The following DCHS2 variants were observed in gnomAD, a reference collection of about 807,000 sequenced individuals.
The protein encoded by DCHS2 is protocadherin-23.
Under a neutral mutation model 182.4 loss-of-function variants are expected in DCHS2, and 142 were observed. The observed-to-expected ratio is 0.78, with a 90% confidence interval of 0.68 to 0.89. The LOEUF (loss-of-function observed/expected upper bound fraction) is 0.89. Ranked by LOEUF, DCHS2 falls within the 40% of genes least tolerant of loss-of-function variation. The pLI is 0.00. For missense variants in DCHS2, 4,319 were observed against 4,198.6 expected (o/e 1.03, Z -0.79); for synonymous variants, 1,740 against 1,663.3 (o/e 1.05, Z -1.12).
chr4:154,474,622 G>A (rs918880958), intron 1 of DCHS2, among the ~76,000 whole-genome samples: 14 of 152,232 alleles, frequency 9.2e-5, no homozygotes, highest in African/African-American at 3.1e-4. Context: ...AATAAACTAC[G>A]TCTGTCTTCA....
At chr4:154,345,031 C>T (rs746406359) in intron 3 of DCHS2, among the ~76,000 whole-genome samples, 10 of 152,154 alleles carry the variant, frequency 6.6e-5, no homozygotes, top group Non-Finnish European at 1.3e-4. Context: ...GAAAAAGCCC[C>T]TTCTCTCCTC....
At chr4:154,272,076 A>G (rs901324860) in intron 13 of DCHS2, 3 of 152,174 alleles carry the variant, frequency 2.0e-5, no homozygotes, top group African/African-American at 7.2e-5. Context: ...AGAATCAAGC[A>G]TGTTATTTTA....
intron 10 of DCHS2, among the ~76,000 whole-genome samples, chr4:154,309,312 T>C (rs879501932): frequency 7.9e-5 from 12 of 152,092 alleles, no homozygotes; most frequent in Non-Finnish European, 1.8e-4. Context: ...TCTCCTAGGG[T>C]TTGCCACAAA....
At chr4:154,408,967 C>T (rs1041838997) in intron 1 of DCHS2, among the ~76,000 whole-genome samples, 1 of 152,092 alleles carries the variant, frequency 6.6e-6, no homozygotes, top group African/African-American at 2.4e-5. Context: ...CCTTGGATGC[C>T]CAGAGCAGTC....
Position 154,490,356 on chromosome 4 carries a change from T to C in DCHS2, c.1000A>G (p.Ser334Gly). ...DLGPNGFVRYSVRARQVPGAG... is the reference protein window; with the variant it reads ...DLGPNGFVRYGVRARQVPGAG... ...CCAGGCACTTGCCGGGCGCGGACGC[T>C]GTAGCGCACGAAGCCATTGGGCCCC... Residue 334 changes from serine (S) to glycine (G), a missense_variant, in exon 1 of 20, where the codon AGC becomes GGC. Transcript: ENST00000357232. The C allele has an allele frequency of 6.5e-7, 1 of 1,538,874 alleles. No individual in the cohort carries two copies. Among genetic ancestry groups the C allele is most frequent in the South Asian group, 1.2e-5 (1 of 83,894 alleles).
chr4:154,371,273 T>G (rs935573265), intron 2 of DCHS2, among the ~76,000 whole-genome samples: 2 of 152,014 alleles, frequency 1.3e-5, no homozygotes, highest in African/African-American at 4.8e-5. Context: ...GGATTCGTTT[T>G]TGATGGAGAA....
chr4:154,391,321 G>C, intron 1 of DCHS2: 5 of 1,563,152 alleles, frequency 3.2e-6, no homozygotes, highest in Non-Finnish European at 4.3e-6. Context: ...TCCTATATGA[G>C]GGTAGCTTCA....
chr4:154,357,981 A>C (rs934339465), intron 3 of DCHS2, among the ~76,000 whole-genome samples: 1 of 152,164 alleles, frequency 6.6e-6, no homozygotes, highest in African/African-American at 2.4e-5. Context: ...CAGGGAATAC[A>C]TAGTAAGTTC....
intron 1 of DCHS2, among the ~76,000 whole-genome samples, chr4:154,449,367 GT>G (rs1734438906): frequency 6.6e-6 from 1 of 151,502 alleles, no homozygotes. Flanking sequence ...GAGTAAATAA[GT>G]TTTTTAATTA....
chr4:154,327,428 G>C (rs1375104632), intron 7 of DCHS2, among the ~76,000 whole-genome samples: 1 of 152,102 alleles, frequency 6.6e-6, no homozygotes, highest in Non-Finnish European at 1.5e-5. Context: ...AGCATCTCTT[G>C]GGTTTTCCAT....
At chr4:154,349,515 T>C (rs1729509151) in intron 3 of DCHS2, among the ~76,000 whole-genome samples, 1 of 152,242 alleles carries the variant, frequency 6.6e-6, no homozygotes, top group South Asian at 2.1e-4. Flanking sequence ...ACAGACTGTG[T>C]TTCTATGTCC....
intron 7 of DCHS2, 113 bp downstream of exon 7, chr4:154,327,980 A>G (rs1173691958): frequency 2.3e-5 from 14 of 618,440 alleles, no homozygotes; most frequent in Non-Finnish European, 3.5e-5. Flanking sequence ...TTCAAAACTA[A>G]CTACAGCATT....
At chr4:154,264,940 C>G (rs1472406496) in intron 14 of DCHS2, among the ~76,000 whole-genome samples, 1 of 151,974 alleles carries the variant, frequency 6.6e-6, no homozygotes, top group Admixed American at 6.6e-5. Context: ...GATATAGGAG[C>G]ACTTCGAGAT....
chr4:154,430,283 C>T (rs528062764), intron 1 of DCHS2, among the ~76,000 whole-genome samples: 7 of 152,200 alleles, frequency 4.6e-5, no homozygotes, highest in Admixed American at 2.6e-4. Context: ...AGGCCATACC[C>T]TACAGCCATG....
In DCHS2 at chr4:154,287,746, T is replaced by G. The variant is rs188603915; in HGVS notation, c.6463+10105A>C. On this transcript the variant is annotated intron_variant, in intron 13 of 19. Coordinates refer to ENST00000357232, the MANE Select transcript of DCHS2 (RefSeq NM_001358235.2). ...ATCCACCTGCCTCAGCCTCTTGACA[T>G]CCTGGGATTATAGATGTGAGCCACA... Among the ~76,000 whole-genome samples, 375 of 152,258 alleles carry G rather than the reference T, an allele frequency of 2.5e-3. 1 individual carries two copies. The highest frequency in any genetic ancestry group is 4.6e-3 in the Non-Finnish European group (315 of 68,002).
intron 1 of DCHS2, among the ~76,000 whole-genome samples, chr4:154,412,403 C>A (rs1045325520): frequency 2.6e-5 from 4 of 152,112 alleles, no homozygotes; most frequent in Non-Finnish European, 4.4e-5. Flanking sequence ...CCTTTCTCAT[C>A]CCCACCATCA....
At chr4:154,486,577 T>A (rs1728596768) in intron 1 of DCHS2, 22 of 1,286,790 alleles carry the variant, frequency 1.7e-5, no homozygotes, top group Non-Finnish European at 2.3e-5. Flanking sequence ...TTACAAGGAA[T>A]GTATGTAATG....
chr4:154,249,200 C>T (rs2111131205), intron 16 of DCHS2, among the ~76,000 whole-genome samples: 1 of 152,226 alleles, frequency 6.6e-6, no homozygotes, highest in African/African-American at 2.4e-5. Flanking sequence ...TGGCAAAGGT[C>T]TAATATCCAG....
chr4:154,251,738 C>T (rs185709682), intron 16 of DCHS2, among the ~76,000 whole-genome samples: 34 of 152,158 alleles, frequency 2.2e-4, no homozygotes, highest in East Asian at 5.8e-4. Context: ...AGGCTGGTCT[C>T]AAACGCCTGA....
Sources: gnomAD v4.1 joint callset for allele counts (sites outside exome capture counted in the v4.1 genomes callset) on GRCh38, gnomAD v4.1.1 for gene constraint, MANE v1.5 for transcripts, NCBI Gene and HGNC (gene_info 2026-07-23, HGNC 2026-07-21) for gene names.